The following C13orf42 variants were observed in gnomAD, a reference collection of about 807,000 sequenced individuals.
C13orf42 encodes the protein chromosome 13 open reading frame 42, also known as uncharacterized protein C13orf42.
chr13:51,142,572 T>G, intron 1 of C13orf42, among the ~76,000 whole-genome samples: 1 of 148,724 alleles, frequency 6.7e-6, no homozygotes, highest in Admixed American at 6.7e-5. Flanking sequence ...AATAAATATA[T>G]ATTGTGGGAA....
At chr13:51,089,468 A>G (rs892949848) in intron 1 of C13orf42, among the ~76,000 whole-genome samples, 2 of 151,996 alleles carry the variant, frequency 1.3e-5, no homozygotes, top group Admixed American at 6.6e-5. Flanking sequence ...TGTTCTCATG[A>G]TAGTGAGTGA....
At chr13:51,170,290 G>A (rs899002934) in intron 1 of C13orf42, among the ~76,000 whole-genome samples, 2 of 152,128 alleles carry the variant, frequency 1.3e-5, no homozygotes, top group Non-Finnish European at 2.9e-5. Flanking sequence ...CCTGTTTGGT[G>A]GTCTCTTCAC....
At position 51,110,880 on chromosome 13, in the gene C13orf42, G is replaced by A. The variant is rs953974341; in HGVS notation, c.330C>T (p.Arg110=). ...LSSFSDLKPH[R]TQGISSTSSK... is the part of the protein sequence containing the mutation. The stretch of plus-strand genomic sequence containing the variant: ...AGGAGGTTGAGGAAATCCCCTGGGT[G>A]CGGTGGGGCTTCAGATCACTGAAGC... The change falls in exon 1 of 4, where the codon CGC becomes CGT. Residue 110 remains arginine (R), a synonymous_variant. Transcript: ENST00000563710. 2.3e-5 allele frequency: 9 copies of A among 398,546 alleles called. No homozygotes were observed. Among genetic ancestry groups the A allele is most frequent in the Non-Finnish European group, 3.5e-5 (8 of 226,088 alleles). The allele number at this position is 398,546 out of a possible 1,614,324, so 24.7% of individuals were successfully genotyped here.
chr13:51,119,385 A>G (rs1229031386), intron 1 of C13orf42, among the ~76,000 whole-genome samples: 1 of 152,140 alleles, frequency 6.6e-6, no homozygotes, highest in East Asian at 1.9e-4. Flanking sequence ...ATGGCTCAAA[A>G]AGAGTCCTCG....
At chr13:51,166,159 T>C (rs1452364776) in intron 1 of C13orf42, among the ~76,000 whole-genome samples, 1 of 152,116 alleles carries the variant, frequency 6.6e-6, no homozygotes, top group African/African-American at 2.4e-5. Context: ...TTTCTGGTGG[T>C]AAGGTTCAAA....
At chr13:51,167,419 C>A (rs1953911823) in intron 1 of C13orf42, among the ~76,000 whole-genome samples, 1 of 152,176 alleles carries the variant, frequency 6.6e-6, no homozygotes, top group Non-Finnish European at 1.5e-5. Flanking sequence ...CTGAAAAGCC[C>A]TGTTTAGATA....
chr13:51,102,682 C>A (rs1953306589), intron 1 of C13orf42, among the ~76,000 whole-genome samples: 1 of 152,166 alleles, frequency 6.6e-6, no homozygotes, highest in African/African-American at 2.4e-5. Context: ...AATGAGGTTT[C>A]CTCTGACTGT....
chr13:51,084,999 C>T (rs1034660225), intron 3 of C13orf42, among the ~76,000 whole-genome samples: 1 of 151,942 alleles, frequency 6.6e-6, no homozygotes, highest in African/African-American at 2.4e-5. Flanking sequence ...CTGTAGCATG[C>T]CATGCGTCAA....
chr13:51,097,987 C>T (rs573787194), intron 1 of C13orf42, among the ~76,000 whole-genome samples: 2 of 152,228 alleles, frequency 1.3e-5, no homozygotes, highest in South Asian at 2.1e-4. Context: ...TATCATTTTC[C>T]GAGTCTTCCC....
chr13:51,117,475 T>C (rs1953500704), intron 1 of C13orf42, among the ~76,000 whole-genome samples: 1 of 152,210 alleles, frequency 6.6e-6, no homozygotes, highest in African/African-American at 2.4e-5. Context: ...TTGGAACTTT[T>C]AGAAAAAAGA....
chr13:51,140,071 C>T (rs1242525788), intron 1 of C13orf42, among the ~76,000 whole-genome samples: 1 of 152,170 alleles, frequency 6.6e-6, no homozygotes, highest in Non-Finnish European at 1.5e-5. Context: ...AACTTGCCTC[C>T]CATTCTATTC....
At chr13:51,127,781 T>C (rs1249196862) in intron 1 of C13orf42, among the ~76,000 whole-genome samples, 1 of 152,112 alleles carries the variant, frequency 6.6e-6, no homozygotes, top group Admixed American at 6.5e-5. Context: ...AAAGAACAAA[T>C]GCTGTATTAT....
At position 51,088,053 on chromosome 13, in the gene C13orf42, G is replaced by A. The variant is rs1204694281; in HGVS notation, c.437C>T (p.Ser146Leu). Residue 146 changes from serine (S) to leucine (L), a missense_variant, in exon 2 of 4, where the codon TCG becomes TTG. Physicochemically the swap from Ser to Leu is moderately radical, Grantham distance 145. Transcript: ENST00000563710. ...CTCGGCCACATCAGCACTGAACTGC[G>A]AGTATTTCTTTGGGGTTGCTTTCTG... ...EIKKATPKKYSQFSADVAEAI... is the reference protein window; with the variant it reads ...EIKKATPKKYLQFSADVAEAI... 1.3e-5 allele frequency: 5 copies of A among 398,696 alleles called. No homozygotes were observed. The highest frequency in any genetic ancestry group is 1.3e-5 in the Non-Finnish European group (3 of 226,182). The allele number at this position is 398,696 out of a possible 1,614,324, so 24.7% of individuals were successfully genotyped here.
chr13:51,164,831 G>A (rs1463144761), intron 1 of C13orf42, among the ~76,000 whole-genome samples: 1 of 152,176 alleles, frequency 6.6e-6, no homozygotes, highest in Non-Finnish European at 1.5e-5. Context: ...TTGAAAGAAT[G>A]GATTTGACAT....
At chr13:51,158,242 G>A (rs1953838954) in intron 1 of C13orf42, among the ~76,000 whole-genome samples, 1 of 152,178 alleles carries the variant, frequency 6.6e-6, no homozygotes. Flanking sequence ...CAGCCACTAT[G>A]CTATGCATGG....
intron 1 of C13orf42, among the ~76,000 whole-genome samples, chr13:51,116,435 C>A (rs754255815): frequency 7.9e-5 from 12 of 152,322 alleles, no homozygotes; most frequent in Middle Eastern, 3.4e-3. Flanking sequence ...CCTCTGGGAG[C>A]CCATAAGACA....
intron 1 of C13orf42, among the ~76,000 whole-genome samples, chr13:51,136,818 G>C (rs577826795): frequency 3.5e-4 from 53 of 152,320 alleles, no homozygotes; most frequent in African/African-American, 1.2e-3. Context: ...ATGCATTCAC[G>C]CATTGGGTCA....
upstream of C13orf42, among the ~76,000 whole-genome samples, chr13:51,114,962 A>C (rs937477146): frequency 1.5e-4 from 23 of 152,364 alleles, no homozygotes; most frequent in South Asian, 8.3e-4. Flanking sequence ...TAGTAACCAT[A>C]TCACTTTGTA....
chr13:51,163,287 A>G (rs963527907), intron 1 of C13orf42, among the ~76,000 whole-genome samples: 5 of 152,088 alleles, frequency 3.3e-5, no homozygotes, highest in African/African-American at 1.2e-4. Context: ...TTTATATTTT[A>G]CTTTCTCCAG....
Sources: gnomAD v4.1 joint callset for allele counts (sites outside exome capture counted in the v4.1 genomes callset) on GRCh38, gnomAD v4.1.1 for gene constraint, MANE v1.5 for transcripts, NCBI Gene and HGNC (gene_info 2026-07-23, HGNC 2026-07-21) for gene names.